Variants in MGAT4C observed in about 807,000 individuals in gnomAD.
MGAT4C encodes the protein alpha-1,3-mannosyl-glycoprotein 4-beta-N-acetylglucosaminyltransferase C.
In MGAT4C, 19 loss-of-function variants were observed where a neutral mutation model predicts 40.1. The ratio of observed to expected loss-of-function variants is 0.47; its 90% CI spans 0.33 to 0.70. The LOEUF is 0.70. Ranked by LOEUF, MGAT4C falls within the 30% of genes least tolerant of loss-of-function variation. MGAT4C has a pLI of 0.02. For missense variants in MGAT4C, 491 were observed against 563.2 expected, an observed-to-expected ratio of 0.87 and a Z score of 1.30; for synonymous variants, 181 against 187.1, an observed-to-expected ratio of 0.97 and a Z score of 0.27.
intron 2 of MGAT4C, among the ~76,000 whole-genome samples, chr12:86,721,565 C>A (rs2136644774): frequency 6.6e-6 from 1 of 152,254 alleles, no homozygotes; most frequent in Non-Finnish European, 1.5e-5. Context: ...GCAAGTTTAG[C>A]ATGGATTGGG....
chr12:86,047,809 T>A (rs1380176244), intron 2 of MGAT4C, among the ~76,000 whole-genome samples: 1 of 152,166 alleles, frequency 6.6e-6, no homozygotes, highest in Non-Finnish European at 1.5e-5. Context: ...GCAGTTAGTA[T>A]AAAATTGGTC....
At chr12:86,078,706 T>C (rs1305698631) in intron 1 of MGAT4C, among the ~76,000 whole-genome samples, 1 of 152,144 alleles carries the variant, frequency 6.6e-6, no homozygotes, top group African/African-American at 2.4e-5. Flanking sequence ...GCTGGGCCCA[T>C]GCATAACCTC....
intron 2 of MGAT4C, among the ~76,000 whole-genome samples, chr12:86,451,008 T>C (rs563018981): frequency 6.6e-6 from 1 of 152,224 alleles, no homozygotes; most frequent in African/African-American, 2.4e-5. Flanking sequence ...GCTATATCAG[T>C]CTTATTTGGT....
chr12:86,710,465 T>C (rs933351919), intron 2 of MGAT4C, among the ~76,000 whole-genome samples: 1 of 152,182 alleles, frequency 6.6e-6, no homozygotes, highest in Non-Finnish European at 1.5e-5. Flanking sequence ...TTGGTTGTAA[T>C]AATTTATTGA....
chr12:86,421,055 A>T (rs1013793081), intron 3 of MGAT4C, among the ~76,000 whole-genome samples: 38 of 152,040 alleles, frequency 2.5e-4, no homozygotes, highest in Admixed American at 2.3e-3. Flanking sequence ...AGACATTGTG[A>T]ACCAAACAAA....
intron 2 of MGAT4C, among the ~76,000 whole-genome samples, chr12:86,503,947 A>C (rs1427594811): frequency 1.3e-5 from 2 of 150,980 alleles, no homozygotes; most frequent in African/African-American, 4.9e-5. Flanking sequence ...TTACGTTTAA[A>C]ACCTTCCTAC....
At chr12:85,992,480 C>T (rs889258122) in intron 2 of MGAT4C, among the ~76,000 whole-genome samples, 1 of 152,194 alleles carries the variant, frequency 6.6e-6, no homozygotes, top group African/African-American at 2.4e-5. Context: ...TCCTATCATT[C>T]TTTCTTTCTC....
intron 4 of MGAT4C, among the ~76,000 whole-genome samples, chr12:86,313,177 C>T (rs1197549056): frequency 6.6e-6 from 1 of 151,982 alleles, no homozygotes; most frequent in Non-Finnish European, 1.5e-5. Context: ...TTTTAAACAG[C>T]AGTTTAAAAC....
intron 3 of MGAT4C, among the ~76,000 whole-genome samples, chr12:86,402,136 A>T (rs1224051838): frequency 6.6e-6 from 1 of 152,020 alleles, no homozygotes; most frequent in Non-Finnish European, 1.5e-5. Flanking sequence ...TGCAAGCAGA[A>T]TAATACTCTT....
intron 1 of MGAT4C, among the ~76,000 whole-genome samples, chr12:86,074,528 C>T (rs1040433386): frequency 2.0e-5 from 3 of 152,100 alleles, no homozygotes; most frequent in Admixed American, 2.0e-4. Context: ...CTATGTAAAA[C>T]TCTTCTATGT....
At chr12:86,624,335 A>G (rs1447307354) in intron 2 of MGAT4C, among the ~76,000 whole-genome samples, 13 of 152,132 alleles carry the variant, frequency 8.5e-5, no homozygotes, top group Admixed American at 8.5e-4. Flanking sequence ...TGTTCTCTCA[A>G]TTCTGGTTGA....
intron 1 of MGAT4C, among the ~76,000 whole-genome samples, chr12:86,773,700 T>C (rs1372548408): frequency 6.6e-6 from 1 of 151,990 alleles, no homozygotes; most frequent in Non-Finnish European, 1.5e-5. Context: ...TAACTATTTA[T>C]AAGACAAGTG....
At chr12:86,002,834 G>A (rs1469136067) in intron 2 of MGAT4C, among the ~76,000 whole-genome samples, 7 of 151,906 alleles carry the variant, frequency 4.6e-5, no homozygotes, top group East Asian at 1.9e-4. Context: ...AGATTCTCAC[G>A]CTGTCACTCA....
chr12:86,836,168 C>T (rs527553812), intron 1 of MGAT4C, among the ~76,000 whole-genome samples: 1 of 152,050 alleles, frequency 6.6e-6, no homozygotes, highest in South Asian at 2.1e-4. Context: ...TTTCTGTCTA[C>T]TATAACACTT....
At chr12:86,094,461 A>G (rs1299531422) in intron 1 of MGAT4C, among the ~76,000 whole-genome samples, 1 of 152,168 alleles carries the variant, frequency 6.6e-6, no homozygotes, top group African/African-American at 2.4e-5. Context: ...ATATTGATAG[A>G]TGTGAATATG....
rs1020680037 is a variant in MGAT4C at position 86,425,363 on chromosome 12, A to T, written c.-120+9794T>A. 1.2e-4 allele frequency among the ~76,000 whole-genome samples: 18 copies of T among 152,074 alleles called. 1 individual carries two copies. The highest frequency in any genetic ancestry group is 2.4e-4 in the Non-Finnish European group (16 of 68,024). On this transcript the variant is annotated intron_variant, in intron 3 of 7. Transcript: ENST00000548651. ...TCATGATAGTGAGTGAGTTCTCACG[A>T]GATCTGATGGTTTAAAAGTGTAGCA...
intron 2 of MGAT4C, among the ~76,000 whole-genome samples, chr12:86,551,290 T>C (rs1229396204): frequency 6.6e-6 from 1 of 152,190 alleles, no homozygotes; most frequent in African/African-American, 2.4e-5. Flanking sequence ...AAACAGTCTT[T>C]TGGGCCAGAC....
rs533482910 is a variant in MGAT4C at position 86,821,600 on chromosome 12, T to C, written c.-262+17066A>G. ...AGTGCTACCAAACACTATATCTTAT[T>C]CCATCTATCTAATTGTATTTTTGTA... is the stretch of plus-strand genomic sequence containing the variant. On this transcript the variant is annotated intron_variant, in intron 1 of 7. Coordinates refer to the MGAT4C transcript ENST00000548651. Among the ~76,000 whole-genome samples, 6 of 151,112 alleles carry C rather than the reference T, an allele frequency of 4.0e-5. No individual in the cohort carries two copies. The East Asian group carries it at 1.2e-3, about 29-fold the overall frequency.
chr12:86,635,657 T>TTGTGTGTG (rs71309507), intron 2 of MGAT4C, among the ~76,000 whole-genome samples: 1,761 of 147,326 alleles, frequency 0.012, 11 homozygotes, highest in Middle Eastern at 0.017. Flanking sequence ...TCTATATACA[T>TTGTGTGTG]TGTGTGTGTG....
Sources: allele counts gnomAD v4.1 joint callset (sites outside exome capture counted in the v4.1 genomes callset), GRCh38; gene constraint gnomAD v4.1.1; transcripts MANE v1.5; gene names NCBI Gene and HGNC (gene_info 2026-07-23, HGNC 2026-07-21).